The following PPIE variants were observed in gnomAD, a reference collection of about 807,000 sequenced individuals.
PPIE encodes peptidyl-prolyl cis-trans isomerase E.
Under a neutral mutation model 38.4 loss-of-function variants are expected in PPIE, and 20 were observed. That is an observed-to-expected ratio of 0.52 (90% CI 0.37 to 0.76). The LOEUF is 0.76. Among genes scored for constraint, PPIE ranks in the 30% least tolerant of loss-of-function variants. The probability of loss-of-function intolerance (pLI) is 0.00; values close to 1 mark genes in which losing one functional copy is unlikely to be tolerated. For synonymous variants in PPIE, 142 were observed against 135.7 expected (o/e 1.05, Z -0.32); for missense variants, 322 against 385.8 (o/e 0.83, Z 1.39).
In PPIE at chr1:39,741,929, T is replaced by C; in HGVS notation, c.201+8T>C. 1 of 1,614,232 alleles carries C rather than the reference T, an allele frequency of 6.2e-7. No individual in the cohort carries two copies. Among genetic ancestry groups the C allele is most frequent in the Non-Finnish European group, 8.5e-7 (1 of 1,180,004 alleles). ...GCAGCTATCGACAACATGGTATGGC[T>C]GGGAATCTTAATTCTAACTAAAGTT... On this transcript the variant is annotated splice_region_variant and intron_variant, in intron 4 of 9. Coordinates refer to ENST00000324379, the MANE Select transcript of PPIE (RefSeq NM_006112.4).
intron 8 of PPIE, among the ~76,000 whole-genome samples, chr1:39,749,815 T>A (rs1041935784): frequency 6.6e-6 from 1 of 152,154 alleles, no homozygotes; most frequent in African/African-American, 2.4e-5. Flanking sequence ...CATGAAAGCA[T>A]GCAGTTATCA....
At chr1:39,747,939 T>C (rs1647306731) in intron 7 of PPIE, 1 of 152,196 alleles carries the variant, frequency 6.6e-6, no homozygotes. Context: ...TTGTTTGTTT[T>C]GTTTTTTTTA....
chr1:39,739,624 G>A (rs767166859), intron 1 of PPIE, among the ~76,000 whole-genome samples: 4 of 152,170 alleles, frequency 2.6e-5, no homozygotes, highest in Non-Finnish European at 5.9e-5. Context: ...GGCGATGCCA[G>A]AGCTGATGAG....
intron 6 of PPIE, among the ~76,000 whole-genome samples, chr1:39,745,057 C>T (rs1647158576): frequency 6.6e-6 from 1 of 152,120 alleles, no homozygotes; most frequent in South Asian, 2.1e-4. Flanking sequence ...GGATCATGGA[C>T]CAGAAAAGTG....
At chr1:39,743,432 T>G (rs1327886501) in intron 5 of PPIE, 135 bp downstream of exon 5, 1 of 756,902 alleles carries the variant, frequency 1.3e-6, no homozygotes, top group Non-Finnish European at 2.2e-6. Context: ...TGGTTCACAT[T>G]GGGAAGGGCA....
At chr1:39,752,780 C>T (rs745836663) in intron 8 of PPIE, 130 bp from the exon 9 acceptor site, 87 of 1,050,778 alleles carry the variant, frequency 8.3e-5, no homozygotes, top group Non-Finnish European at 1.1e-4. Context: ...AAGGTGGCCG[C>T]ATTTGCATGT....
At chr1:39,762,650 A>C (rs1649153084) in intron 9 of PPIE, 20 of 1,539,868 alleles carry the variant, frequency 1.3e-5, no homozygotes, top group Non-Finnish European at 1.7e-5. Context: ...GGTGCGGCAC[A>C]GGTGGGTGAG....
chr1:39,748,609 C>G, intron 7 of PPIE: 1 of 363,016 alleles, frequency 2.8e-6, no homozygotes, highest in Non-Finnish European at 5.1e-6. Flanking sequence ...ATGGTACATG[C>G]CTGTAGTCCC....
intron 8 of PPIE, among the ~76,000 whole-genome samples, chr1:39,752,626 C>G (rs1192597398): frequency 6.6e-5 from 10 of 152,240 alleles, no homozygotes; most frequent in Admixed American, 6.5e-4. Flanking sequence ...TTCTGCTCAT[C>G]AGTGTTCCCA....
Position 39,738,927 on chromosome 1 carries a change from C to G in PPIE, c.27C>G (p.Tyr9Ter). The G allele has an allele frequency of 6.7e-7, 1 of 1,490,016 alleles. No homozygotes were observed. Among genetic ancestry groups the G allele is most frequent in the Non-Finnish European group, 8.9e-7 (1 of 1,120,764 alleles). 92.3% of individuals were successfully genotyped at this position (1,490,016 alleles called of 1,614,324 possible). ...TGGCCACCACCAAGCGCGTCTTGTA[C>G]GTGGGTGAGCAGGAGGGGTTGCTAG... MATTKRVL[Y>*]VGGLAEEVDD... The change falls in exon 1 of 10, where the codon TAC becomes TAG. Residue 9 changes from tyrosine (Y) to a stop codon, truncating the protein, a stop_gained. Coordinates refer to ENST00000324379, the MANE Select transcript of PPIE (RefSeq NM_006112.4). LOFTEE classifies it high-confidence loss of function.
At chr1:39,739,887 C>A (rs1470349738) in intron 1 of PPIE, among the ~76,000 whole-genome samples, 1 of 152,096 alleles carries the variant, frequency 6.6e-6, no homozygotes, top group African/African-American at 2.4e-5. Context: ...TTCCTAAGAT[C>A]ATTCTAGTTG....
intron 2 of PPIE, 46 bp from the exon 3 acceptor site, chr1:39,741,320 A>G (rs766199925): frequency 2.5e-6 from 4 of 1,584,130 alleles, no homozygotes; most frequent in Non-Finnish European, 1.7e-6. Context: ...GTTTCTTCCC[A>G]CTACCCCACA....
rs1569731416 is a variant in PPIE at position 39,756,663 on chromosome 1, A to G, written c.*3308A>G. The G allele has an allele frequency of 1.1e-6, 1 of 951,910 alleles. No individual in the cohort carries two copies. The highest frequency in any genetic ancestry group is 1.3e-6 in the Non-Finnish European group (1 of 799,420). 59.0% of individuals were successfully genotyped at this position (951,910 alleles called of 1,614,324 possible). ...AAAAGCACATCACAAAGAAACATAT[A>G]TAGTACAGTGTGATCCCAATTTTGT... On this transcript the variant is annotated 3_prime_UTR_variant, in exon 10 of 10. Transcript: ENST00000324379.
intron 9 of PPIE, among the ~76,000 whole-genome samples, chr1:39,763,398 C>CGGCCCTCCCCAGCT (rs1553127316): frequency 1.4e-5 from 2 of 145,154 alleles, no homozygotes; most frequent in Non-Finnish European, 3.1e-5. Flanking sequence ...CCTCCCCAGC[C>CGGCCCTCCCCAGCT]GGCCCTCCCC....
At chr1:39,744,855 C>G (rs112101768) in intron 6 of PPIE, among the ~76,000 whole-genome samples, 4 of 152,298 alleles carry the variant, frequency 2.6e-5, no homozygotes, top group African/African-American at 9.6e-5. Context: ...GAGCACAATG[C>G]AAGGCCCAAC....
At chr1:39,758,689 A>G (rs922003578), downstream of PPIE, 1 of 152,308 alleles carries the variant, frequency 6.6e-6, no homozygotes, top group Non-Finnish European at 1.5e-5. Flanking sequence ...GGAGGCGCAG[A>G]TAAGGAAGCC....
downstream of PPIE, chr1:39,760,706 T>C: frequency 2.5e-6 from 3 of 1,189,848 alleles, no homozygotes; most frequent in Non-Finnish European, 3.4e-6. Flanking sequence ...TAATAATAAC[T>C]ATTAACAGGA....
intron 7 of PPIE, chr1:39,745,822 C>T (rs947506926): frequency 4.7e-6 from 1 of 212,430 alleles, no homozygotes; most frequent in Non-Finnish European, 9.5e-6. Context: ...CTCTCTACAT[C>T]CAGTCCTCAA....
intron 7 of PPIE, 28 bp from the exon 8 acceptor site, chr1:39,748,875 C>G (rs531602113): frequency 1.3e-6 from 2 of 1,599,688 alleles, no homozygotes; most frequent in East Asian, 2.2e-5. Flanking sequence ...TTTTTTAACC[C>G]CAGCGCTTTT....
Sources: gnomAD v4.1 joint callset for allele counts (sites outside exome capture counted in the v4.1 genomes callset) on GRCh38, gnomAD v4.1.1 for gene constraint, MANE v1.5 for transcripts, NCBI Gene and HGNC (gene_info 2026-07-23, HGNC 2026-07-21) for gene names.